Variants in CEP128 observed in about 807,000 individuals in gnomAD.
The protein encoded by CEP128 is centrosomal protein 128kDa.
A neutral mutation model predicts 156.7 loss-of-function variants in CEP128; 132 were observed. The ratio of observed to expected loss-of-function variants is 0.84; its 90% CI spans 0.73 to 0.97. CEP128 has a LOEUF of 0.97. Among genes scored for constraint, CEP128 ranks in the 50% least tolerant of loss-of-function variants. The pLI, the probability that CEP128 is intolerant of heterozygous loss-of-function variation, is 0.00. For missense variants in CEP128, 1,252 were observed against 1,281.9 expected, an observed-to-expected ratio of 0.98 and a Z score of 0.36; for synonymous variants, 469 against 448.9, an observed-to-expected ratio of 1.04 and a Z score of -0.57.
chr14:80,761,681 TC>T, intron 16 of CEP128, 68 bp from the exon 17 acceptor site: 1 of 1,143,642 alleles, frequency 8.7e-7, no homozygotes, highest in Non-Finnish European at 1.2e-6. Flanking sequence ...ACTTGTAATA[TC>T]TGTTCAACCA....
intron 19 of CEP128, among the ~76,000 whole-genome samples, chr14:80,581,414 T>C (rs1178920271): frequency 3.3e-5 from 5 of 152,210 alleles, no homozygotes; most frequent in Admixed American, 2.6e-4. Context: ...CTATATTAGA[T>C]ATAGCAGGAA....
intron 19 of CEP128, among the ~76,000 whole-genome samples, chr14:80,726,869 G>A (rs1043060465): frequency 6.6e-6 from 1 of 152,170 alleles, no homozygotes; most frequent in Non-Finnish European, 1.5e-5. Flanking sequence ...TTGGAAGTGA[G>A]TTGCTGGAAG....
chr14:80,955,729 A>G (rs1470956073), intron 2 of CEP128: 1 of 1,614,156 alleles, frequency 6.2e-7, no homozygotes, highest in Non-Finnish European at 8.5e-7. Flanking sequence ...CGACCTGCCC[A>G]GGGACCTGGG....
chr14:80,565,080 G>A (rs529930282), intron 20 of CEP128, among the ~76,000 whole-genome samples: 50 of 152,088 alleles, frequency 3.3e-4, no homozygotes, highest in African/African-American at 1.1e-3. Context: ...AAAAGAGAAA[G>A]GAAATTACAA....
intron 23 of CEP128, among the ~76,000 whole-genome samples, chr14:80,512,751 A>AT (rs1888317351): frequency 6.6e-6 from 1 of 151,338 alleles, no homozygotes; most frequent in South Asian, 2.1e-4. Context: ...AGGTTTTTTG[A>AT]TTTAAGGTTA....
chr14:80,576,886 C>A (rs1891386084), intron 20 of CEP128, among the ~76,000 whole-genome samples: 1 of 152,056 alleles, frequency 6.6e-6, no homozygotes, highest in Non-Finnish European at 1.5e-5. Context: ...AGATGAGGCA[C>A]TGTGCTAAGT....
At chr14:80,615,772 C>T (rs1893183890) in intron 19 of CEP128, among the ~76,000 whole-genome samples, 1 of 152,048 alleles carries the variant, frequency 6.6e-6, no homozygotes, top group African/African-American at 2.4e-5. Flanking sequence ...TCACTTGAAC[C>T]CGGGAGGCAG....
intron 18 of CEP128, among the ~76,000 whole-genome samples, chr14:80,749,661 G>T (rs555926239): frequency 6.6e-6 from 1 of 152,210 alleles, no homozygotes; most frequent in South Asian, 2.1e-4. Flanking sequence ...AGTGCATATG[G>T]TTAATGGGTA....
At chr14:80,713,833 C>T (rs1179290961) in intron 19 of CEP128, among the ~76,000 whole-genome samples, 1 of 152,174 alleles carries the variant, frequency 6.6e-6, no homozygotes, top group Non-Finnish European at 1.5e-5. Flanking sequence ...TTGTATTTAT[C>T]ATTCTGCAAC....
At chr14:80,571,131 T>C (rs1182729168) in intron 20 of CEP128, among the ~76,000 whole-genome samples, 1 of 152,166 alleles carries the variant, frequency 6.6e-6, no homozygotes. Context: ...CTAAACTTAA[T>C]TAGCTGTAAT....
intron 8 of CEP128, among the ~76,000 whole-genome samples, chr14:80,893,177 A>G (rs1050857129): frequency 2.0e-5 from 3 of 152,052 alleles, no homozygotes; most frequent in African/African-American, 7.2e-5. Context: ...ATTTACCACA[A>G]CATGGCTAGG....
At chr14:80,896,641 C>T (rs1398017198) in intron 7 of CEP128, among the ~76,000 whole-genome samples, 1 of 152,156 alleles carries the variant, frequency 6.6e-6, no homozygotes, top group Non-Finnish European at 1.5e-5. Context: ...TGCTCACATT[C>T]TGTTAGGCTC....
chr14:80,602,039 C>G (rs1892601090), intron 19 of CEP128, among the ~76,000 whole-genome samples: 1 of 152,092 alleles, frequency 6.6e-6, no homozygotes, highest in Non-Finnish European at 1.5e-5. Flanking sequence ...CCAAAGAGAG[C>G]TAGAATAGTT....
intron 23 of CEP128, among the ~76,000 whole-genome samples, chr14:80,521,466 T>C (rs1160726559): frequency 1.3e-5 from 2 of 152,170 alleles, no homozygotes; most frequent in Non-Finnish European, 2.9e-5. Context: ...TTTAGATCCA[T>C]TACGATTTTC....
chr14:80,703,789 G>A (rs1897149620), intron 19 of CEP128, among the ~76,000 whole-genome samples: 2 of 152,042 alleles, frequency 1.3e-5, no homozygotes. Context: ...ACTTGTGTGT[G>A]TGTATATGTG....
intron 20 of CEP128, among the ~76,000 whole-genome samples, chr14:80,575,356 T>C (rs1891311199): frequency 6.6e-6 from 1 of 152,174 alleles, no homozygotes; most frequent in Non-Finnish European, 1.5e-5. Flanking sequence ...ATGATATTCA[T>C]ATGTAGCCCA....
At chr14:80,483,428 G>A (rs1887096416) in intron 14 of CEP128, among the ~76,000 whole-genome samples, 1 of 152,216 alleles carries the variant, frequency 6.6e-6, no homozygotes, top group Non-Finnish European at 1.5e-5. Flanking sequence ...GCTAATAGTG[G>A]TGACACAGGG....
chr14:80,925,365 A>G (rs919932391), intron 2 of CEP128, among the ~76,000 whole-genome samples: 1 of 152,188 alleles, frequency 6.6e-6, no homozygotes, highest in African/African-American at 2.4e-5. Context: ...AAGTAGGTGA[A>G]AAACTAGGGG....
At chr14:80,601,947 A>G in intron 19 of CEP128, among the ~76,000 whole-genome samples, 1 of 152,234 alleles carries the variant, frequency 6.6e-6, no homozygotes, top group South Asian at 2.1e-4. Flanking sequence ...ATAAATGCAT[A>G]TAATTCAACT....
Sources: allele counts gnomAD v4.1 joint callset (sites outside exome capture counted in the v4.1 genomes callset), GRCh38; gene constraint gnomAD v4.1.1; transcripts MANE v1.5; gene names NCBI Gene and HGNC (gene_info 2026-07-23, HGNC 2026-07-21).